The following THSD7B variants were observed in gnomAD, a reference collection of about 807,000 sequenced individuals.
The protein encoded by THSD7B is thrombospondin type-1 domain-containing protein 7B.
In THSD7B, 138 loss-of-function variants were observed where a neutral mutation model predicts 213.6. The ratio of observed to expected loss-of-function variants is 0.65; its 90% CI spans 0.56 to 0.74. The LOEUF (loss-of-function observed/expected upper bound fraction) is 0.74, where lower values mean the gene tolerates loss of function less well. Ranked by LOEUF, THSD7B falls within the 30% of genes least tolerant of loss-of-function variation. The pLI is 0.00. For synonymous variants in THSD7B, 742 were observed against 687.0 expected (o/e 1.08, Z -1.25); for missense variants, 1,931 against 1,991.5 (o/e 0.97, Z 0.58).
intron 1 of THSD7B, among the ~76,000 whole-genome samples, chr2:136,795,348 T>C (rs1404362465): frequency 6.6e-6 from 1 of 151,904 alleles, no homozygotes; most frequent in African/African-American, 2.4e-5. Context: ...TTACGTTGCA[T>C]CCACCTGATG....
At chr2:137,321,167 A>C (rs1157437033) in intron 12 of THSD7B, among the ~76,000 whole-genome samples, 2 of 152,206 alleles carry the variant, frequency 1.3e-5, no homozygotes. Context: ...AATTAGCCTT[A>C]TAAAAATTAT....
At chr2:137,487,374 C>CA (rs35759254) in intron 15 of THSD7B, among the ~76,000 whole-genome samples, 4,333 of 33,150 alleles carry the variant, frequency 0.13, 1,342 homozygotes, top group African/African-American at 0.47. Context: ...GACTCCGTCT[C>CA]AAAAAAAAAA....
At chr2:137,149,484 T>C (rs1225749713) in intron 5 of THSD7B, among the ~76,000 whole-genome samples, 2 of 152,176 alleles carry the variant, frequency 1.3e-5, no homozygotes, top group Non-Finnish European at 2.9e-5. Context: ...GTGAATCCCA[T>C]GAGCCTTCCT....
At chr2:137,222,456 A>G (rs1011771536) in intron 7 of THSD7B, among the ~76,000 whole-genome samples, 1 of 152,120 alleles carries the variant, frequency 6.6e-6, no homozygotes, top group Non-Finnish European at 1.5e-5. Flanking sequence ...TTTATTCTGG[A>G]TTCATGTTTT....
At chr2:136,963,371 GGGGCTGAATACCCT>G (rs1323445250) in intron 2 of THSD7B, among the ~76,000 whole-genome samples, 1 of 152,174 alleles carries the variant, frequency 6.6e-6, no homozygotes, top group Non-Finnish European at 1.5e-5. Context: ...AGGAAAGAAC[GGGGCTGAATACCCT>G]GGGTGCCAGG....
At chr2:137,605,277 C>A (rs1682151180) in intron 17 of THSD7B, among the ~76,000 whole-genome samples, 2 of 152,160 alleles carry the variant, frequency 1.3e-5, no homozygotes, top group African/African-American at 4.8e-5. Flanking sequence ...TACCCTATGT[C>A]CTTTCATGTC....
At chr2:136,812,873 G>A (rs928929160) in intron 1 of THSD7B, among the ~76,000 whole-genome samples, 1 of 152,086 alleles carries the variant, frequency 6.6e-6, no homozygotes, top group African/African-American at 2.4e-5. Flanking sequence ...TTTCAGACTG[G>A]GTAGTAATCT....
intron 2 of THSD7B, among the ~76,000 whole-genome samples, chr2:136,884,165 TAAA>T (rs1380750609): frequency 6.6e-6 from 1 of 152,180 alleles, no homozygotes; most frequent in Non-Finnish European, 1.5e-5. Flanking sequence ...TAGGTTCTGT[TAAA>T]AAAGAAACAG....
chr2:136,903,455 T>C (rs1684093916), intron 2 of THSD7B, among the ~76,000 whole-genome samples: 1 of 152,342 alleles, frequency 6.6e-6, no homozygotes, highest in African/African-American at 2.4e-5. Context: ...TTGCTTGCTT[T>C]CAGAATTTTT....
At chr2:137,333,887 G>A (rs144471990) in intron 12 of THSD7B, among the ~76,000 whole-genome samples, 208 of 152,314 alleles carry the variant, frequency 1.4e-3, no homozygotes, top group African/African-American at 4.8e-3. Context: ...AGGAGGTTGA[G>A]TGGAAAAGCT....
intron 14 of THSD7B, among the ~76,000 whole-genome samples, chr2:137,413,647 C>G (rs1406166050): frequency 6.6e-6 from 1 of 152,002 alleles, no homozygotes; most frequent in East Asian, 1.9e-4. Context: ...AAACGAAAAC[C>G]CTGTGGTTTG....
intron 2 of THSD7B, among the ~76,000 whole-genome samples, chr2:137,010,074 G>C (rs557774676): frequency 2.1e-4 from 32 of 152,192 alleles, no homozygotes; most frequent in Non-Finnish European, 3.8e-4. Flanking sequence ...ACCTAAGCTT[G>C]AGGTCTTGTA....
rs140505508 is a variant in THSD7B, at chr2:137,149,774, G to A, written c.1370-10439G>A. ...TTTGGAATGGGTGTATTTACCCAAT[G>A]CCTGTATCCCCATTGTATCTAGGAA... On this transcript the variant is annotated intron_variant, in intron 5 of 27. Transcript: ENST00000409968. 4.3e-3 allele frequency among the ~76,000 whole-genome samples: 654 copies of A among 152,310 alleles called. 3 individuals carry two copies. Among genetic ancestry groups the A allele is most frequent in the African/African-American group, 0.014 (587 of 41,572 alleles).
intron 2 of THSD7B, among the ~76,000 whole-genome samples, chr2:136,889,775 C>G (rs961979950): frequency 1.3e-5 from 2 of 152,172 alleles, no homozygotes; most frequent in African/African-American, 4.8e-5. Flanking sequence ...ACAGTCCTGT[C>G]CCCCTGCACA....
At chr2:137,407,524 T>C (rs1686554741) in intron 13 of THSD7B, among the ~76,000 whole-genome samples, 1 of 152,216 alleles carries the variant, frequency 6.6e-6, no homozygotes, top group Admixed American at 6.5e-5. Flanking sequence ...TTTTCACTTT[T>C]CAAGACTTAT....
chr2:137,332,426 A>G (rs144626842), intron 12 of THSD7B, among the ~76,000 whole-genome samples: 1 of 152,306 alleles, frequency 6.6e-6, no homozygotes, highest in Non-Finnish European at 1.5e-5. Context: ...CATTGCGTCT[A>G]GGAAGTAACT....
chr2:137,614,395 C>G (rs1369375525), intron 17 of THSD7B, among the ~76,000 whole-genome samples: 1 of 152,016 alleles, frequency 6.6e-6, no homozygotes, highest in Non-Finnish European at 1.5e-5. Context: ...TTTATTTTCT[C>G]TTTTACTTGA....
At chr2:137,632,903 A>G (rs969019851) in intron 20 of THSD7B, among the ~76,000 whole-genome samples, 2 of 152,134 alleles carry the variant, frequency 1.3e-5, no homozygotes, top group African/African-American at 4.8e-5. Context: ...CTTAAGTTGG[A>G]TCTTCTCTAG....
chr2:136,983,087 A>G (rs1162911159), intron 2 of THSD7B, among the ~76,000 whole-genome samples: 1 of 151,888 alleles, frequency 6.6e-6, no homozygotes, highest in African/African-American at 2.4e-5. Context: ...TTAAAAAAAA[A>G]AACATTTCTA....
Sources: allele counts gnomAD v4.1 joint callset (sites outside exome capture counted in the v4.1 genomes callset), GRCh38; gene constraint gnomAD v4.1.1; transcripts MANE v1.5; gene names NCBI Gene and HGNC (gene_info 2026-07-23, HGNC 2026-07-21).